The following PATL2 variants were observed in gnomAD, a reference collection of about 807,000 sequenced individuals.
The protein encoded by PATL2 is protein PAT1 homolog 2.
In PATL2, 73 loss-of-function variants were observed where a neutral mutation model predicts 77.0. The ratio of observed to expected loss-of-function variants is 0.95; its 90% confidence interval spans 0.78 to 1.15. PATL2 has a LOEUF of 1.15. Among genes scored for constraint, PATL2 ranks in the 50% most tolerant of loss-of-function variants. The pLI is 0.00. For synonymous variants in PATL2, 265 were observed against 257.1 expected, an observed-to-expected ratio of 1.03 and a Z score of -0.29; for missense variants, 618 against 655.4, an observed-to-expected ratio of 0.94 and a Z score of 0.62.
intron 3 of PATL2, among the ~76,000 whole-genome samples, chr15:44,708,498 T>G (rs2086786146): frequency 6.6e-6 from 1 of 152,230 alleles, no homozygotes; most frequent in Admixed American, 6.5e-5. Flanking sequence ...AAACCACTCA[T>G]CTACTTTCTG....
At chr15:44,674,053 C>T (rs1190770643) in intron 6 of PATL2, 97 bp downstream of exon 6, 9 of 1,184,714 alleles carry the variant, frequency 7.6e-6, no homozygotes, top group Non-Finnish European at 1.1e-5. Flanking sequence ...CCATACCTCA[C>T]TTTGGGTGCC....
intron 5 of PATL2, chr15:44,675,073 G>T (rs534307966): frequency 3.5e-5 from 6 of 169,972 alleles, no homozygotes; most frequent in Admixed American, 1.7e-4. Context: ...CTTAGTAGTA[G>T]GTTGAAGGAA....
intron 17 of PATL2, 45 bp downstream of exon 17, chr15:44,666,347 T>C (rs2085368271): frequency 6.5e-7 from 1 of 1,547,086 alleles, no homozygotes; most frequent in Admixed American, 2.0e-5. Context: ...GAACATAGAT[T>C]GGGCTTGAAC....
Position 44,667,220 on chromosome 15 carries a change from T to C in PATL2, c.1366-17A>G, listed in dbSNP as rs1186928536. ...TATTCCAAACTGCAAGGGACATATA[T>C]ATATTCCAGAGCAAAATGAGTTCAC... On this transcript the variant is annotated splice_polypyrimidine_tract_variant and intron_variant, in intron 15 of 17. Coordinates refer to ENST00000682850, the MANE Select transcript of PATL2 (RefSeq NM_001387263.1). 1.1e-5 allele frequency: 17 copies of C among 1,539,898 alleles called. No individual in the cohort carries two copies. Among genetic ancestry groups the C allele is most frequent in the Non-Finnish European group, 1.5e-5 (17 of 1,136,468 alleles).
chr15:44,673,169 G>T, intron 7 of PATL2, 66 bp downstream of exon 7: 2 of 1,516,176 alleles, frequency 1.3e-6, no homozygotes, highest in African/African-American at 1.4e-5. Context: ...CAACTGGTAG[G>T]CATGGTCCCC....
At chr15:44,671,150 A>G (rs2085653557) in intron 9 of PATL2, among the ~76,000 whole-genome samples, 1 of 152,230 alleles carries the variant, frequency 6.6e-6, no homozygotes, top group African/African-American at 2.4e-5. Flanking sequence ...TGAGAAGGCA[A>G]TAAGGATGGG....
chr15:44,709,429 C>CCTAG (rs1327460700), intron 3 of PATL2, among the ~76,000 whole-genome samples: 1 of 152,016 alleles, frequency 6.6e-6, no homozygotes, highest in Non-Finnish European at 1.5e-5. Flanking sequence ...TGCTTGTGAT[C>CCTAG]CTAGCACTTT....
At chr15:44,666,890 C>T in intron 16 of PATL2, 1 of 524,598 alleles carries the variant, frequency 1.9e-6, no homozygotes, top group Non-Finnish European at 3.4e-6. Flanking sequence ...AAATCTAAAG[C>T]TTGTCCCCTT....
chr15:44,700,598 G>C (rs1185694290), intron 3 of PATL2, among the ~76,000 whole-genome samples: 2 of 151,980 alleles, frequency 1.3e-5, no homozygotes, highest in Non-Finnish European at 2.9e-5. Flanking sequence ...CACCATGCCT[G>C]GCCTGTATGT....
At chr15:44,699,842 C>T (rs1032568739) in intron 3 of PATL2, among the ~76,000 whole-genome samples, 2 of 152,122 alleles carry the variant, frequency 1.3e-5, no homozygotes, top group Non-Finnish European at 2.9e-5. Flanking sequence ...GTTCTCTATT[C>T]TGTTTCATTG....
chr15:44,672,517 A>G, intron 7 of PATL2, 61 bp from the exon 8 acceptor site: 1 of 1,472,796 alleles, frequency 6.8e-7, no homozygotes, highest in Non-Finnish European at 9.3e-7. Flanking sequence ...TGCCCCCTCC[A>G]TTCATTCAGC....
At chr15:44,696,674 A>AT (rs371300632) in intron 3 of PATL2, among the ~76,000 whole-genome samples, 41 of 151,282 alleles carry the variant, frequency 2.7e-4, no homozygotes, top group African/African-American at 8.7e-4. Flanking sequence ...ATCCTGGGAG[A>AT]TTTTTTTTCC....
chr15:44,693,511 C>T (rs1248261967), intron 3 of PATL2, among the ~76,000 whole-genome samples: 1 of 152,186 alleles, frequency 6.6e-6, no homozygotes, highest in Non-Finnish European at 1.5e-5. Flanking sequence ...TAAAGGACCC[C>T]TGTGATTACA....
At chr15:44,675,728 G>A (rs2085922203) in intron 4 of PATL2, 37 bp from the exon 5 acceptor site, 3 of 1,508,240 alleles carry the variant, frequency 2.0e-6, no homozygotes, top group African/African-American at 1.4e-5. Context: ...AAGGTAAGAT[G>A]GGGCTCAGCT....
At chr15:44,684,087 C>T (rs919613514) in intron 3 of PATL2, among the ~76,000 whole-genome samples, 3 of 151,680 alleles carry the variant, frequency 2.0e-5, no homozygotes, top group Non-Finnish European at 2.9e-5. Flanking sequence ...AAACCCCATC[C>T]GAAGGTTACC....
At chr15:44,668,260 T>A in intron 15 of PATL2, 82 bp downstream of exon 15, 1 of 1,427,696 alleles carries the variant, frequency 7.0e-7, no homozygotes, top group South Asian at 1.4e-5. Flanking sequence ...TGTGTAGAGA[T>A]GAGACTGTCC....
chr15:44,666,680 G>A (rs1052959439), intron 16 of PATL2, 139 bp from the exon 17 acceptor site: 1 of 847,414 alleles, frequency 1.2e-6, no homozygotes, highest in Non-Finnish European at 1.8e-6. Context: ...ACATTTGCAT[G>A]TTTGGTACGT....
intron 15 of PATL2, 71 bp from the exon 16 acceptor site, chr15:44,667,274 T>A (rs1721625825): frequency 9.1e-7 from 1 of 1,096,592 alleles, no homozygotes; most frequent in Non-Finnish European, 1.4e-6. Flanking sequence ...TCCTGACTCT[T>A]ATCTTCCCAA....
chr15:44,706,779 C>T (rs1453387510), intron 3 of PATL2, among the ~76,000 whole-genome samples: 1 of 152,194 alleles, frequency 6.6e-6, no homozygotes. Flanking sequence ...TCACTCAAGG[C>T]CCTATGGCTC....
Sources: gnomAD v4.1 joint callset for allele counts (sites outside exome capture counted in the v4.1 genomes callset) on GRCh38, gnomAD v4.1.1 for gene constraint, MANE v1.5 for transcripts, NCBI Gene and HGNC (gene_info 2026-07-23, HGNC 2026-07-21) for gene names.